BMP6: variants seen among roughly 807,000 people sequenced by gnomAD.
BMP6 encodes bone morphogenetic protein 6, also known as VG-1-R.
A neutral mutation model predicts 54.1 loss-of-function variants in BMP6; 17 were observed. That is an observed-to-expected ratio of 0.31 (90% CI 0.22 to 0.47). The LOEUF is 0.47. Ranked by LOEUF, BMP6 falls within the 20% of genes least tolerant of loss-of-function variation. The pLI, the probability that BMP6 is intolerant of heterozygous loss-of-function variation, is 1.00. For missense variants in BMP6, 720 were observed against 690.4 expected (o/e 1.04, Z -0.48); for synonymous variants, 328 against 291.2 (o/e 1.13, Z -1.28).
intron 1 of BMP6, among the ~76,000 whole-genome samples, chr6:7,736,079 A>G (rs1761951543): frequency 2.0e-5 from 3 of 152,352 alleles, no homozygotes; most frequent in Admixed American, 2.0e-4. Context: ...GATTTATTTT[A>G]TAGTGCTTCT....
At chr6:7,875,127 G>C (rs1010769018) in intron 4 of BMP6, among the ~76,000 whole-genome samples, 2 of 152,096 alleles carry the variant, frequency 1.3e-5, no homozygotes, top group Non-Finnish European at 2.9e-5. Flanking sequence ...CCTGAGTACT[G>C]GGGAGGGCTG....
chr6:7,859,518 G>C (rs1181493844), intron 2 of BMP6, among the ~76,000 whole-genome samples: 2 of 151,984 alleles, frequency 1.3e-5, no homozygotes, highest in Non-Finnish European at 2.9e-5. Flanking sequence ...CTTCCTCTGG[G>C]ACCGGGGCTA....
chr6:7,733,572 G>C (rs953477698), intron 1 of BMP6, among the ~76,000 whole-genome samples: 3 of 152,192 alleles, frequency 2.0e-5, no homozygotes, highest in Non-Finnish European at 2.9e-5. Context: ...TCCAGCCGCA[G>C]GGTGTCACCT....
At chr6:7,820,606 G>A (rs1221390011) in intron 1 of BMP6, among the ~76,000 whole-genome samples, 1 of 152,180 alleles carries the variant, frequency 6.6e-6, no homozygotes, top group Non-Finnish European at 1.5e-5. Context: ...TGGGGACAGT[G>A]AACTAGAGCC....
At chr6:7,745,483 T>G (rs1757332685) in intron 1 of BMP6, among the ~76,000 whole-genome samples, 1 of 152,218 alleles carries the variant, frequency 6.6e-6, no homozygotes, top group East Asian at 1.9e-4. Context: ...TTGCCCAGGC[T>G]GGTGCCTTAA....
At chr6:7,784,857 ACCT>A (rs762519676) in intron 1 of BMP6, among the ~76,000 whole-genome samples, 6 of 152,100 alleles carry the variant, frequency 3.9e-5, no homozygotes, top group Admixed American at 1.3e-4. Flanking sequence ...TTGCACAGTC[ACCT>A]CCTCCTTGCT....
intron 1 of BMP6, among the ~76,000 whole-genome samples, chr6:7,834,309 T>C (rs565510956): frequency 8.8e-6 from 1 of 113,178 alleles, no homozygotes; most frequent in Non-Finnish European, 1.8e-5. Flanking sequence ...ACCACCAAAA[T>C]GTGTATCATC....
chr6:7,816,957 C>T (rs191163526), intron 1 of BMP6, among the ~76,000 whole-genome samples: 1 of 152,150 alleles, frequency 6.6e-6, no homozygotes, highest in East Asian at 1.9e-4. Flanking sequence ...TTCAGTTAAC[C>T]AGGGTTGTCT....
At chr6:7,807,904 A>G (rs1327693531) in intron 1 of BMP6, among the ~76,000 whole-genome samples, 2 of 148,246 alleles carry the variant, frequency 1.3e-5, no homozygotes, top group Non-Finnish European at 3.0e-5. Flanking sequence ...TACTAACGGG[A>G]AGTCTTTACT....
At chr6:7,818,587 C>A (rs188361748) in intron 1 of BMP6, among the ~76,000 whole-genome samples, 1 of 152,300 alleles carries the variant, frequency 6.6e-6, no homozygotes, top group African/African-American at 2.4e-5. Flanking sequence ...TCCTGCTAGA[C>A]GGTGTTTAAT....
At chr6:7,814,165 G>A (rs968692768) in intron 1 of BMP6, among the ~76,000 whole-genome samples, 4 of 152,202 alleles carry the variant, frequency 2.6e-5, no homozygotes, top group Non-Finnish European at 5.9e-5. Context: ...AAAACTATGT[G>A]CTTTTAAAGA....
At chr6:7,759,204 GTA>G (rs1300634496) in intron 1 of BMP6, among the ~76,000 whole-genome samples, 4 of 152,162 alleles carry the variant, frequency 2.6e-5, no homozygotes, top group Non-Finnish European at 1.5e-5. Flanking sequence ...ATATATGTAT[GTA>G]TGTATGCTTG....
chr6:7,769,752 G>A (rs1757754663), intron 1 of BMP6, among the ~76,000 whole-genome samples: 1 of 152,148 alleles, frequency 6.6e-6, no homozygotes, highest in Non-Finnish European at 1.5e-5. Context: ...AATCTATGAT[G>A]TAAAGAGGTT....
At chr6:7,729,744 A>G (rs1761818392) in intron 1 of BMP6, among the ~76,000 whole-genome samples, 1 of 152,216 alleles carries the variant, frequency 6.6e-6, no homozygotes, top group Non-Finnish European at 1.5e-5. Flanking sequence ...GCTTTCAAAC[A>G]TTGCTACACA....
At position 7,727,583 on chromosome 6, in the gene BMP6, A is replaced by G. The variant is rs1415560057; in HGVS notation, c.628A>G (p.Asn210Asp). The change falls in exon 1 of 7, where the codon AAC becomes GAC. Residue 210 changes from asparagine (N) to aspartate (D), a missense_variant. Transcript: ENST00000283147. Reference protein sequence around the residue: ...LTSAQDSAFLNDADMVMSFVN... With the variant: ...LTSAQDSAFLDDADMVMSFVN... ...CAGCGCGCAGGACAGCGCCTTCCTC[A>G]ACGACGCGGACATGGTCATGAGCTT... The G allele has an allele frequency of 1.6e-5, 26 of 1,580,650 alleles. No individual in the cohort carries two copies. The highest frequency in any genetic ancestry group is 2.1e-5 in the Non-Finnish European group (25 of 1,172,562).
chr6:7,768,275 G>T (rs993791541), intron 1 of BMP6, among the ~76,000 whole-genome samples: 2 of 152,212 alleles, frequency 1.3e-5, no homozygotes, highest in Admixed American at 6.5e-5. Flanking sequence ...GCTCCTGGAA[G>T]TAAAACTTGT....
chr6:7,856,838 C>T (rs1264030657), intron 2 of BMP6, among the ~76,000 whole-genome samples: 6 of 151,722 alleles, frequency 4.0e-5, no homozygotes, highest in South Asian at 4.2e-4. Context: ...CCTCGTGATC[C>T]GCCCGCCTCG....
intron 1 of BMP6, among the ~76,000 whole-genome samples, chr6:7,735,940 A>G (rs1439411312): frequency 6.6e-6 from 1 of 152,244 alleles, no homozygotes; most frequent in Non-Finnish European, 1.5e-5. Context: ...CAATGAAAGT[A>G]TAAAAATTCA....
intron 1 of BMP6, among the ~76,000 whole-genome samples, chr6:7,806,820 T>C (rs959777626): frequency 5.3e-5 from 8 of 152,182 alleles, no homozygotes; most frequent in Non-Finnish European, 8.8e-5. Flanking sequence ...TAAAAGAAGA[T>C]TAAAGTTTCA....
Sources: allele counts gnomAD v4.1 joint callset (sites outside exome capture counted in the v4.1 genomes callset), GRCh38; gene constraint gnomAD v4.1.1; transcripts MANE v1.5; gene names NCBI Gene and HGNC (gene_info 2026-07-23, HGNC 2026-07-21).